VCL: variants seen among roughly 807,000 people sequenced by gnomAD.
The protein encoded by VCL is vinculin, also known as epididymis luminal protein 114.
VCL carries 47 observed loss-of-function variants against 125.7 expected under a neutral mutation model. The observed-to-expected ratio is 0.37, with a 90% CI of 0.30 to 0.48. The LOEUF is 0.48. Ranked by LOEUF, VCL falls within the 20% of genes least tolerant of loss-of-function variation. The pLI, the probability that VCL is intolerant of heterozygous loss-of-function variation, is 0.99. For synonymous variants in VCL, 458 were observed against 514.6 expected, an observed-to-expected ratio of 0.89 and a Z score of 1.49; for missense variants, 1,069 against 1,455.5, an observed-to-expected ratio of 0.73 and a Z score of 4.32.
At chr10:74,094,243 G>T in intron 10 of VCL, 28 bp from the exon 11 acceptor site, 2 of 1,613,652 alleles carry the variant, frequency 1.2e-6, no homozygotes, top group South Asian at 2.2e-5. Flanking sequence ...GTTTATGTGT[G>T]ACAGGATGGC....
intron 2 of VCL, among the ~76,000 whole-genome samples, chr10:74,062,161 G>A (rs1396109955): frequency 6.6e-6 from 1 of 151,884 alleles, no homozygotes; most frequent in Admixed American, 6.6e-5. Flanking sequence ...ACTTCCCTGG[G>A]TTTAGGTGAT....
At chr10:74,047,434 G>A (rs1841212820) in intron 2 of VCL, among the ~76,000 whole-genome samples, 1 of 152,202 alleles carries the variant, frequency 6.6e-6, no homozygotes. Flanking sequence ...GGAAACAGAT[G>A]GAAGCAATTA....
chr10:74,082,674 T>A, intron 7 of VCL, 130 bp downstream of exon 7: 3 of 939,022 alleles, frequency 3.2e-6, no homozygotes, highest in Non-Finnish European at 5.1e-6. Context: ...CATACCCCAT[T>A]ATCTGATAGT....
chr10:74,027,866 A>G (rs1167058965), intron 1 of VCL: 5 of 152,152 alleles, frequency 3.3e-5, no homozygotes, highest in Non-Finnish European at 5.9e-5. Context: ...AGCATATGCT[A>G]TGTGCCAGTC....
At chr10:74,009,517 C>G (rs900486121) in intron 1 of VCL, among the ~76,000 whole-genome samples, 16 of 152,082 alleles carry the variant, frequency 1.1e-4, no homozygotes, top group African/African-American at 3.9e-4. Context: ...CCTCAGCCTC[C>G]CAAAGTGCTG....
intron 1 of VCL, among the ~76,000 whole-genome samples, chr10:74,010,839 C>T (rs1840419943): frequency 6.6e-6 from 1 of 152,104 alleles, no homozygotes; most frequent in South Asian, 2.1e-4. Flanking sequence ...AGATAATGAG[C>T]CTCATCCTGA....
chr10:74,085,433 G>T (rs1356273614), intron 8 of VCL, among the ~76,000 whole-genome samples: 1 of 152,142 alleles, frequency 6.6e-6, no homozygotes, highest in African/African-American at 2.4e-5. Flanking sequence ...TATCCTCTAA[G>T]TTGGTAATTT....
intron 1 of VCL, among the ~76,000 whole-genome samples, chr10:74,041,017 C>T (rs564767710): frequency 4.1e-4 from 63 of 152,082 alleles, no homozygotes; most frequent in African/African-American, 7.0e-4. Context: ...CCACCACACC[C>T]GACTAATTTT....
intron 1 of VCL, chr10:74,016,745 C>G (rs1164568732): frequency 6.6e-6 from 1 of 152,064 alleles, no homozygotes; most frequent in Non-Finnish European, 1.5e-5. Context: ...TAAGTACATT[C>G]ACATTGTTGT....
Position 74,119,898 on chromosome 10 carries a change from A to G in VCL, c.*1729A>G, listed in dbSNP as rs1394706086. 6 of 152,612 alleles carry G rather than the reference A, an allele frequency of 3.9e-5. No homozygotes were observed. The highest frequency in any genetic ancestry group is 7.3e-5 in the Non-Finnish European group (5 of 68,046). 9.5% of individuals were successfully genotyped at this position (152,612 alleles called of 1,614,324 possible). A position where few individuals can be genotyped will look rare whatever the true frequency, so the allele number is the denominator to read the frequency against. Reference sequence around the variant, plus strand: ...AAAGAAAGATTACTTAGAGGAAATAAGAAAAATCATGTTTGCTCTCCCGGT... The same window carrying G: ...AAAGAAAGATTACTTAGAGGAAATAGGAAAAATCATGTTTGCTCTCCCGGT... On this transcript the variant is annotated 3_prime_UTR_variant, in exon 22 of 22. Coordinates refer to ENST00000211998, the MANE Select transcript of VCL (RefSeq NM_014000.3).
intron 2 of VCL, among the ~76,000 whole-genome samples, chr10:74,043,996 AGCTATTTGGGAG>A (rs1381892712): frequency 3.2e-4 from 49 of 151,930 alleles, no homozygotes; most frequent in Admixed American, 5.9e-4. Flanking sequence ...CTGTAGTCCC[AGCTATTTGGGAG>A]GCTGAGGCAG....
Position 74,043,170 on chromosome 10 carries a change from T to G in VCL, c.239+17T>G. The G allele has an allele frequency of 1.2e-6, 2 of 1,605,690 alleles. No homozygotes were observed. Among genetic ancestry groups the G allele is most frequent in the Non-Finnish European group, 1.7e-6 (2 of 1,172,576 alleles). On this transcript the variant is annotated intron_variant, in intron 2 of 21. Coordinates refer to ENST00000211998, the MANE Select transcript of VCL (RefSeq NM_014000.3). ...ATTTATTAAGTGAGTAATTGAAATA[T>G]TCTTCTGTTGCTAAGCAGAATAATA...
At chr10:74,082,667 A>G in intron 7 of VCL, 123 bp downstream of exon 7, 3 of 996,478 alleles carry the variant, frequency 3.0e-6, no homozygotes, top group Non-Finnish European at 4.7e-6. Context: ...TATGGGGCAT[A>G]CCCCATTATC....
chr10:74,070,570 A>G, intron 2 of VCL, 100 bp from the exon 3 acceptor site: 11 of 1,562,440 alleles, frequency 7.0e-6, no homozygotes, highest in Non-Finnish European at 9.6e-6. Flanking sequence ...CATGTAGGGA[A>G]AAAAACTGTG....
At chr10:74,036,743 T>C (rs1296684550) in intron 1 of VCL, among the ~76,000 whole-genome samples, 3 of 151,824 alleles carry the variant, frequency 2.0e-5, no homozygotes, top group Admixed American at 2.0e-4. Flanking sequence ...TGTTGATTCT[T>C]ACTGACCTGT....
rs1274884728 is a variant in VCL, at chr10:74,109,015, T to G, written c.2604T>G (p.Gly868=). 1.9e-6 allele frequency: 3 copies of G among 1,613,948 alleles called. No individual in the cohort carries two copies. Among genetic ancestry groups the G allele is most frequent in the African/African-American group, 1.3e-5 (1 of 74,868 alleles). ...LAPPKPPLPE[G]EVPPPRPPPP... is the part of the protein sequence containing the mutation. ...CTCCCAAACCACCTCTGCCTGAAGG[T>G]GAGGTCCCTCCACCTAGGCCTCCAC... The change falls in exon 18 of 22, where the codon GGT becomes GGG. Residue 868 remains glycine (G), a synonymous_variant. Transcript: ENST00000211998.
intron 2 of VCL, among the ~76,000 whole-genome samples, chr10:74,046,127 C>A (rs1334749308): frequency 6.6e-6 from 1 of 152,114 alleles, no homozygotes; most frequent in Non-Finnish European, 1.5e-5. Context: ...TTTTTTTGTA[C>A]AGCCTGTTTT....
chr10:74,115,148 C>T (rs1162197957), intron 21 of VCL, among the ~76,000 whole-genome samples: 3 of 151,964 alleles, frequency 2.0e-5, no homozygotes, highest in Non-Finnish European at 4.4e-5. Context: ...GGGAGAATTG[C>T]TTAAGCCCAG....
At chr10:74,026,742 G>A (rs1840779127) in intron 1 of VCL, among the ~76,000 whole-genome samples, 1 of 152,180 alleles carries the variant, frequency 6.6e-6, no homozygotes, top group South Asian at 2.1e-4. Flanking sequence ...GGCTCAAAGA[G>A]ATTAAGTAAC....
Sources: allele counts gnomAD v4.1 joint callset (sites outside exome capture counted in the v4.1 genomes callset), GRCh38; gene constraint gnomAD v4.1.1; transcripts MANE v1.5; gene names NCBI Gene and HGNC (gene_info 2026-07-23, HGNC 2026-07-21).